The following PDE4C variants were observed in gnomAD, a reference collection of about 807,000 sequenced individuals.
The protein encoded by PDE4C is phosphodiesterase 4C.
A neutral mutation model predicts 63.9 loss-of-function variants in PDE4C; 50 were observed. The observed-to-expected ratio is 0.78, with a 90% CI of 0.62 to 0.99. PDE4C has a LOEUF of 0.99. PDE4C is among the 50% of genes least tolerant of loss of function. The pLI is 0.00. For missense variants in PDE4C, 777 were observed against 899.1 expected (o/e 0.86, Z 1.74); for synonymous variants, 377 against 385.1 (o/e 0.98, Z 0.25).
In PDE4C at chr19:18,211,750, C is replaced by A; in HGVS notation, c.1695+9G>T. On this transcript the variant is annotated intron_variant, in intron 14 of 14. Coordinates refer to ENST00000262805, the Ensembl canonical transcript of PDE4C. ...AGTGTCTACCGGTTCAGCCCAGTCC[C>A]CTGCCAACCTGGGACTTCTCCACTG... 6.2e-7 allele frequency: 1 copy of A among 1,614,154 alleles called. No homozygotes were observed. Among genetic ancestry groups the A allele is most frequent in the Non-Finnish European group, 8.5e-7 (1 of 1,179,960 alleles).
intron 1 of PDE4C, among the ~76,000 whole-genome samples, chr19:18,225,359 C>T (rs1287872648): frequency 6.6e-6 from 1 of 152,226 alleles, no homozygotes; most frequent in Non-Finnish European, 1.5e-5. Context: ...ATGTGCTTCG[C>T]TAGTGTTTGG....
At chr19:18,221,735 G>A (rs1048873750) in intron 2 of PDE4C, among the ~76,000 whole-genome samples, 1 of 151,878 alleles carries the variant, frequency 6.6e-6, no homozygotes, top group Non-Finnish European at 1.5e-5. Flanking sequence ...AGCGATTCTC[G>A]TGCCTCAGCC....
upstream of PDE4C, among the ~76,000 whole-genome samples, chr19:18,228,436 A>G (rs1968786203): frequency 6.6e-6 from 1 of 152,198 alleles, no homozygotes; most frequent in African/African-American, 2.4e-5. Flanking sequence ...ACTGAGGCAC[A>G]GAAAGGCACA....
chr19:18,229,015 A>C (rs1018406476), upstream of PDE4C, among the ~76,000 whole-genome samples: 2 of 151,984 alleles, frequency 1.3e-5, no homozygotes, highest in African/African-American at 4.8e-5. Context: ...GGCTCACTGA[A>C]ACCTCCGCTT....
rs765003516 is a variant in PDE4C, at chr19:18,222,320, A to C, written c.150T>G (p.Phe50Leu). ...CACACGAGAGCCCATTTTCCAGGTC[A>C]AAGCTGAAAGGAGAGACGGCATGGT... is the stretch of plus-strand genomic sequence containing the variant. Residue 50 changes from phenylalanine to leucine, a missense_variant, in exon 2 of 15, where the codon TTT becomes TTG. Phe to Leu is a conservative substitution (Grantham distance 22). This residue lies in a region of PDE4C where 249 missense variants were observed against 247.8 expected (regional missense o/e 1.00). Coordinates refer to ENST00000262805, the Ensembl canonical transcript of PDE4C. 3 of 1,608,618 alleles carry C rather than the reference A, an allele frequency of 1.9e-6. No individual in the cohort carries two copies. In the African/African-American group the frequency reaches 4.0e-5, roughly 22 times the overall value.
At chr19:18,212,964 G>A (rs1432633537) in intron 13 of PDE4C, among the ~76,000 whole-genome samples, 1 of 146,462 alleles carries the variant, frequency 6.8e-6, no homozygotes, top group African/African-American at 2.6e-5. Context: ...GGGATTATAG[G>A]CGTGAGCCAC....
upstream of PDE4C, chr19:18,226,550 A>AC: frequency 2.3e-6 from 1 of 438,288 alleles, no homozygotes. Flanking sequence ...CTCCCTGACG[A>AC]CCCCCGGGAC....
intron 9 of PDE4C, among the ~76,000 whole-genome samples, 199 bp downstream of exon 9, chr19:18,218,741 C>T (rs185012743): frequency 1.8e-4 from 28 of 152,322 alleles, no homozygotes; most frequent in Admixed American, 4.6e-4. Context: ...GGCCAGGGGC[C>T]GGGCCAGGGC....
intron 12 of PDE4C, 70 bp downstream of exon 12, chr19:18,216,671 C>G: frequency 6.9e-7 from 1 of 1,446,160 alleles, no homozygotes; most frequent in Non-Finnish European, 9.3e-7. Flanking sequence ...CCCCACCCTG[C>G]TGTCTGCAGA....
chr19:18,219,421 T>C, intron 7 of PDE4C, 24 bp from the exon 8 acceptor site: 1 of 1,558,364 alleles, frequency 6.4e-7, no homozygotes, highest in Non-Finnish European at 8.7e-7. Flanking sequence ...AGGGTGAAGC[T>C]CAGAGAAGCC....
chr19:18,222,141 G>C, exon 2 of PDE4C: 1 of 1,609,990 alleles, frequency 6.2e-7, no homozygotes, highest in East Asian at 2.2e-5. Context: ...CAGGTCGCTG[G>C]CCACAGAGGA....
upstream of PDE4C, among the ~76,000 whole-genome samples, chr19:18,236,697 G>A (rs917524014): frequency 5.9e-5 from 9 of 152,180 alleles, no homozygotes; most frequent in Non-Finnish European, 1.0e-4. Context: ...GCACCTCCTT[G>A]TGCATGGCTG....
chr19:18,255,322 G>C, the PDE4C span: 1 of 398,968 alleles, frequency 2.5e-6, no homozygotes. This position sits in a 1 kb window ranked among gnomAD's most constrained non-coding sequence, Gnocchi z 4.6. Context: ...GCGCCGGGAG[G>C]GCCTGCCACC....
Position 18,211,959 on chromosome 19 carries a change from T to G in PDE4C, c.1513-18A>C, listed in dbSNP as rs758343752. The stretch of plus-strand genomic sequence containing the variant: ...TGCAAGACCTACAGAGATCGAGGCT[T>G]GGGAGGGCACTGGCGGGGCCCAGCC... On this transcript the variant is annotated intron_variant, in intron 13 of 14. Coordinates refer to ENST00000262805, the Ensembl canonical transcript of PDE4C. The G allele has an allele frequency of 2.5e-6, 4 of 1,608,680 alleles. No homozygotes were observed. The highest frequency in any genetic ancestry group is 1.7e-5 in the Admixed American group (1 of 59,942).
exon 4 of PDE4C, chr19:18,221,133 C>A: frequency 6.4e-7 from 1 of 1,556,248 alleles, no homozygotes; most frequent in Non-Finnish European, 8.7e-7. Flanking sequence ...TGCTGGCGGG[C>A]AAGGGCCGCC....
At chr19:18,217,012 G>A in intron 11 of PDE4C, 117 bp from the exon 12 acceptor site, 1 of 1,141,868 alleles carries the variant, frequency 8.8e-7, no homozygotes, top group Admixed American at 2.6e-5. Context: ...CCCAACTCTA[G>A]CATGCCCTCC....
At chr19:18,218,601 G>A (rs980801744) in intron 9 of PDE4C, 103 bp from the exon 10 acceptor site, 1 of 1,293,266 alleles carries the variant, frequency 7.7e-7, no homozygotes, top group Non-Finnish European at 1.1e-6. Context: ...TCAAGCACCT[G>A]CTCCTCTGAG....
At chr19:18,213,741 G>A (rs1457801808) in intron 12 of PDE4C, among the ~76,000 whole-genome samples, 5 of 152,160 alleles carry the variant, frequency 3.3e-5, no homozygotes, top group Non-Finnish European at 5.9e-5. Context: ...TAGTGGGGAG[G>A]TGATCAAATC....
At chr19:18,218,948 T>C in exon 9 of PDE4C, 1 of 1,612,680 alleles carries the variant, frequency 6.2e-7, no homozygotes. Context: ...ACCTGAAAAA[T>C]GCTGAATATG....
Sources: allele counts gnomAD v4.1 joint callset (sites outside exome capture counted in the v4.1 genomes callset), GRCh38; gene constraint gnomAD v4.1.1; regional missense constraint gnomAD v4.1.1; non-coding constraint Gnocchi (gnomAD v3.1); transcripts MANE v1.5; gene names NCBI Gene and HGNC (gene_info 2026-07-23, HGNC 2026-07-21).